The following ZNF800 variants were observed in gnomAD, a reference collection of about 807,000 sequenced individuals.
ZNF800 encodes zinc finger protein 800.
Under a neutral mutation model 59.5 loss-of-function variants are expected in ZNF800, and 13 were observed. The ratio of observed to expected loss-of-function variants is 0.22; its 90% CI spans 0.14 to 0.35. The LOEUF (loss-of-function observed/expected upper bound fraction) is 0.35. Among genes scored for constraint, ZNF800 ranks in the 10% least tolerant of loss-of-function variants. The pLI is 1.00. For missense variants in ZNF800, 621 were observed against 783.7 expected, an observed-to-expected ratio of 0.79 and a Z score of 2.48; for synonymous variants, 266 against 265.7, an observed-to-expected ratio of 1.00 and a Z score of -0.01.
chr7:127,381,265 C>A (rs888208477), intron 3 of ZNF800, among the ~76,000 whole-genome samples: 1 of 152,074 alleles, frequency 6.6e-6, no homozygotes, highest in Non-Finnish European at 1.5e-5. Flanking sequence ...TTTAGGATGA[C>A]CACTTAACTA....
intron 3 of ZNF800, among the ~76,000 whole-genome samples, chr7:127,383,545 G>A (rs1451664616): frequency 6.6e-6 from 1 of 152,188 alleles, no homozygotes; most frequent in Non-Finnish European, 1.5e-5. Flanking sequence ...AGGAAGAACA[G>A]AGCCTCAGAG....
chr7:127,360,379 C>G (rs144269404), intron 1 of ZNF800: 10 of 152,220 alleles, frequency 6.6e-5, no homozygotes, highest in African/African-American at 2.4e-4. Flanking sequence ...CCAAACTCCT[C>G]TACTCTAGTA....
At chr7:127,375,156 A>C in intron 4 of ZNF800, 122 bp from the exon 5 acceptor site, 1 of 798,110 alleles carries the variant, frequency 1.3e-6, no homozygotes, top group Non-Finnish European at 1.8e-6. Flanking sequence ...TATTTTTATA[A>C]GAGCATTATC....
chr7:127,366,065 T>C (rs1389762317), downstream of ZNF800, among the ~76,000 whole-genome samples: 1 of 152,050 alleles, frequency 6.6e-6, no homozygotes, highest in African/African-American at 2.4e-5. Flanking sequence ...ACAGGAAAAT[T>C]GAAGCTTAGA....
downstream of ZNF800, among the ~76,000 whole-genome samples, chr7:127,369,235 T>C (rs1023454603): frequency 2.6e-5 from 4 of 152,094 alleles, no homozygotes; most frequent in South Asian, 2.1e-4. Flanking sequence ...TTGAATTCCA[T>C]AGGAAAACTC....
chr7:127,345,421 A>G (rs1192097410), downstream of ZNF800, among the ~76,000 whole-genome samples: 1 of 152,214 alleles, frequency 6.6e-6, no homozygotes, highest in Non-Finnish European at 1.5e-5. Context: ...TCTACTTTCA[A>G]TAGAGTGCTC....
At chr7:127,379,424 A>G (rs1193249291) in intron 3 of ZNF800, among the ~76,000 whole-genome samples, 1 of 152,226 alleles carries the variant, frequency 6.6e-6, no homozygotes, top group Admixed American at 6.5e-5. Context: ...TACAGATTCA[A>G]TTCTGCCTTT....
chr7:127,382,980 C>A (rs923187999), intron 3 of ZNF800, among the ~76,000 whole-genome samples: 1 of 152,092 alleles, frequency 6.6e-6, no homozygotes, highest in Non-Finnish European at 1.5e-5. Flanking sequence ...AAAGAAAAAC[C>A]CATTTAACTT....
intron 2 of ZNF800, among the ~76,000 whole-genome samples, chr7:127,389,401 G>A (rs1202361140): frequency 6.6e-6 from 1 of 152,134 alleles, no homozygotes; most frequent in Non-Finnish European, 1.5e-5. Flanking sequence ...ATCTCTTCAA[G>A]GCAGAATGGC....
Position 127,370,481 on chromosome 7 carries a change from A to G in ZNF800, c.*1333T>C, listed in dbSNP as rs886100700. 14 of 152,678 alleles carry G rather than the reference A, an allele frequency of 9.2e-5. No individual in the cohort carries two copies. The highest frequency in any genetic ancestry group is 1.8e-4 in the Non-Finnish European group (12 of 67,970). The allele number at this position is 152,678 out of a possible 1,614,324, so 9.5% of individuals were successfully genotyped here. ...TCTTTCTAGTTTCCTTTCACAGTAT[A>G]TTTTAGTGCAAAGCACTGGGAAGGT... On this transcript the variant is annotated 3_prime_UTR_variant, in exon 6 of 6. Transcript: ENST00000265827.
chr7:127,352,371 A>C (rs1014451084), intron 1 of ZNF800, among the ~76,000 whole-genome samples: 1 of 151,358 alleles, frequency 6.6e-6, no homozygotes, highest in African/African-American at 2.4e-5. Context: ...TCAAAAGAGA[A>C]AGTCTATAAT....
intron 1 of ZNF800, chr7:127,361,641 A>G (rs1405490443): frequency 6.6e-6 from 1 of 152,144 alleles, no homozygotes; most frequent in African/African-American, 2.4e-5. Flanking sequence ...AGAGTAATCA[A>G]GTCATATTTT....
At chr7:127,366,194 A>G (rs1351126774), downstream of ZNF800, among the ~76,000 whole-genome samples, 1 of 152,110 alleles carries the variant, frequency 6.6e-6, no homozygotes, top group Non-Finnish European at 1.5e-5. Context: ...TGTTTCCCCA[A>G]AAGAATGGAA....
downstream of ZNF800, among the ~76,000 whole-genome samples, chr7:127,346,498 G>A (rs1488413785): frequency 6.6e-6 from 1 of 152,224 alleles, no homozygotes; most frequent in Non-Finnish European, 1.5e-5. Context: ...AGTGCTGAAA[G>A]CAATGCATTT....
At chr7:127,353,223 T>G (rs1478416721) in intron 1 of ZNF800, among the ~76,000 whole-genome samples, 1 of 152,212 alleles carries the variant, frequency 6.6e-6, no homozygotes, top group Admixed American at 6.5e-5. Flanking sequence ...TGTTTCCTTT[T>G]GGGATGTTTT....
intron 1 of ZNF800, among the ~76,000 whole-genome samples, chr7:127,348,500 A>G (rs1587418154): frequency 6.6e-6 from 1 of 152,112 alleles, no homozygotes; most frequent in South Asian, 2.1e-4. Context: ...TTTTTCTTAC[A>G]GCGAATACTA....
chr7:127,362,241 G>A (rs1800408502), intron 1 of ZNF800: 1 of 152,072 alleles, frequency 6.6e-6, no homozygotes, highest in Non-Finnish European at 1.5e-5. Flanking sequence ...AATACAAATA[G>A]CCTCCATGAG....
intron 4 of ZNF800, among the ~76,000 whole-genome samples, chr7:127,375,817 C>T (rs1800775725): frequency 6.6e-6 from 1 of 151,886 alleles, no homozygotes; most frequent in Admixed American, 6.6e-5. Flanking sequence ...AAATTTAGTA[C>T]CAAATCTGGT....
At chr7:127,392,029 C>G (rs979490054) in intron 1 of ZNF800, 31 bp downstream of exon 1, 3 of 387,848 alleles carry the variant, frequency 7.7e-6, no homozygotes, top group African/African-American at 2.1e-5. Flanking sequence ...GGCGGAGACC[C>G]CGTCCCCACA....
Sources: allele counts gnomAD v4.1 joint callset (sites outside exome capture counted in the v4.1 genomes callset), GRCh38; gene constraint gnomAD v4.1.1; transcripts MANE v1.5; gene names NCBI Gene and HGNC (gene_info 2026-07-23, HGNC 2026-07-21).